Variants in TBCK observed in about 807,000 individuals in gnomAD.
TBCK encodes the protein TBC domain-containing protein kinase-like protein.
Under a neutral mutation model 113.4 loss-of-function variants are expected in TBCK, and 99 were observed. The ratio of observed to expected loss-of-function variants is 0.87; its 90% confidence interval spans 0.74 to 1.03. The LOEUF (loss-of-function observed/expected upper bound fraction) is 1.03. Among genes scored for constraint, TBCK ranks in the 50% least tolerant of loss-of-function variants. The probability of loss-of-function intolerance (pLI) is 0.00; values close to 1 mark genes in which losing one functional copy is unlikely to be tolerated. For missense variants in TBCK, 1,045 were observed against 1,061.3 expected, an observed-to-expected ratio of 0.98 and a Z score of 0.21; for synonymous variants, 369 against 370.8, an observed-to-expected ratio of 1.00 and a Z score of 0.05.
intron 20 of TBCK, among the ~76,000 whole-genome samples, chr4:106,197,038 A>G (rs943954439): frequency 2.6e-5 from 4 of 152,138 alleles, no homozygotes; most frequent in Admixed American, 2.6e-4. Flanking sequence ...CAAATATATA[A>G]AACAACAATT....
chr4:106,098,143 C>T (rs1741148491), intron 24 of TBCK, among the ~76,000 whole-genome samples: 1 of 152,050 alleles, frequency 6.6e-6, no homozygotes, highest in African/African-American at 2.4e-5. Context: ...TGTCACTTTA[C>T]TGCTTTCTGT....
chr4:106,047,681 A>G (rs1351237113), intron 25 of TBCK, among the ~76,000 whole-genome samples: 1 of 151,986 alleles, frequency 6.6e-6, no homozygotes, highest in Non-Finnish European at 1.5e-5. Context: ...GCTTCCTTCT[A>G]TTTTGTTTTC....
chr4:106,093,839 A>C (rs758713003), intron 25 of TBCK, among the ~76,000 whole-genome samples: 10 of 152,156 alleles, frequency 6.6e-5, no homozygotes, highest in Non-Finnish European at 1.5e-4. Context: ...AAAGTTAATA[A>C]AAATTTATTA....
At chr4:106,150,873 A>G (rs1276069959) in intron 23 of TBCK, among the ~76,000 whole-genome samples, 2 of 152,080 alleles carry the variant, frequency 1.3e-5, no homozygotes, top group Admixed American at 1.3e-4. Flanking sequence ...TAGTAACTAC[A>G]TCAAATAAAT....
intron 12 of TBCK, among the ~76,000 whole-genome samples, chr4:106,239,150 C>G (rs1013022219): frequency 6.6e-6 from 1 of 151,990 alleles, no homozygotes; most frequent in East Asian, 1.9e-4. Flanking sequence ...GAAATCTAAC[C>G]AACTTGGGAA....
At chr4:106,164,448 T>C (rs1034490093) in intron 23 of TBCK, 15 of 151,948 alleles carry the variant, frequency 9.9e-5, no homozygotes, top group Non-Finnish European at 1.9e-4. Flanking sequence ...CATGAGTATA[T>C]GTTAATGTAT....
intron 14 of TBCK, 50 bp from the exon 15 acceptor site, chr4:106,235,417 C>G: frequency 7.7e-7 from 1 of 1,301,506 alleles, no homozygotes. Context: ...CTAGTGCCAT[C>G]TTTTAGTCTA....
At chr4:106,279,222 G>A (rs1313138539) in intron 3 of TBCK, among the ~76,000 whole-genome samples, 1 of 152,174 alleles carries the variant, frequency 6.6e-6, no homozygotes, top group Non-Finnish European at 1.5e-5. Flanking sequence ...TGAAGGAACT[G>A]ATTGAATACA....
chr4:106,120,104 T>G (rs1744083332), intron 23 of TBCK, among the ~76,000 whole-genome samples: 1 of 151,980 alleles, frequency 6.6e-6, no homozygotes, highest in East Asian at 1.9e-4. Flanking sequence ...GGTAAATGGG[T>G]GCGCGCACCG....
chr4:106,223,644 C>T (rs1757940695), intron 19 of TBCK, among the ~76,000 whole-genome samples: 1 of 152,010 alleles, frequency 6.6e-6, no homozygotes, highest in African/African-American at 2.4e-5. Flanking sequence ...TCCTAATTTC[C>T]CAGATTTATA....
chr4:106,290,175 T>TTTTA (rs920920364), intron 3 of TBCK, among the ~76,000 whole-genome samples: 5 of 152,142 alleles, frequency 3.3e-5, no homozygotes, highest in East Asian at 3.9e-4. Flanking sequence ...TAATATATTA[T>TTTTA]TTTATTTATT....
rs546843469 is a variant in TBCK at position 106,212,955 on chromosome 4, C to T, written c.1775-120G>A. ...TTAATTTCTCCATGAGAATACTTTA[C>T]GTGATAATTTTGTTTTGTTACTATT... is the stretch of plus-strand genomic sequence containing the variant. On this transcript the variant is annotated intron_variant, in intron 19 of 25. Transcript: ENST00000394708. 133 of 647,306 alleles carry T rather than the reference C, an allele frequency of 2.1e-4. 1 individual carries two copies. In the South Asian group the frequency reaches 2.4e-3, roughly 12 times the overall value. The allele number at this position is 647,306 out of a possible 1,614,324, so 40.1% of individuals were successfully genotyped here. A position where few individuals can be genotyped will look rare whatever the true frequency, so the allele number is the denominator to read the frequency against.
chr4:106,211,748 A>G (rs1303052574), intron 20 of TBCK, among the ~76,000 whole-genome samples: 2 of 152,126 alleles, frequency 1.3e-5, no homozygotes, highest in Admixed American at 6.6e-5. Flanking sequence ...CTCGGTACCC[A>G]TAACTCCTGT....
intron 25 of TBCK, among the ~76,000 whole-genome samples, chr4:106,077,158 G>A (rs74725815): frequency 0.061 from 9,228 of 152,126 alleles, 333 homozygotes; most frequent in Non-Finnish European, 0.08. Context: ...TTTTACAAGA[G>A]CTCCTAAAGG....
chr4:106,070,513 CT>C (rs1433350173), intron 25 of TBCK, among the ~76,000 whole-genome samples: 1 of 152,092 alleles, frequency 6.6e-6, no homozygotes, highest in African/African-American at 2.4e-5. Context: ...GGTGGATAAG[CT>C]TTTTGATATG....
At chr4:106,085,102 C>T (rs930603851) in intron 25 of TBCK, among the ~76,000 whole-genome samples, 3 of 152,042 alleles carry the variant, frequency 2.0e-5, no homozygotes, top group African/African-American at 7.2e-5. Flanking sequence ...AACAATACTA[C>T]CCTTAAATGT....
chr4:106,135,431 T>G (rs1203030541), intron 23 of TBCK, among the ~76,000 whole-genome samples: 3 of 143,594 alleles, frequency 2.1e-5, no homozygotes, highest in Non-Finnish European at 3.2e-5. Flanking sequence ...CTCTGGAGAA[T>G]GTACACTTAA....
At position 106,065,618 on chromosome 4, in the gene TBCK, A is replaced by G. The variant is rs530563832; in HGVS notation, c.2572-18938T>C. Among the ~76,000 whole-genome samples the G allele has an allele frequency of 5.9e-4, 90 of 152,152 alleles. 3 individuals carry two copies. Among genetic ancestry groups the G allele is most frequent in the Admixed American group, 1.7e-3 (26 of 15,252 alleles). ...ACAAAAACGGGTCTACCCTGTGAAC[A>G]GTACCATACATTTCAGAGATCTAGG... On this transcript the variant is annotated intron_variant, in intron 25 of 25. Coordinates refer to ENST00000394708, the MANE Select transcript of TBCK (RefSeq NM_001163435.3).
intron 19 of TBCK, among the ~76,000 whole-genome samples, chr4:106,229,148 C>T (rs1758568188): frequency 6.6e-6 from 1 of 151,980 alleles, no homozygotes; most frequent in Admixed American, 6.6e-5. Context: ...GGCTGTTAAT[C>T]TCTTATCAGG....
Sources: allele counts gnomAD v4.1 joint callset (sites outside exome capture counted in the v4.1 genomes callset), GRCh38; gene constraint gnomAD v4.1.1; transcripts MANE v1.5; gene names NCBI Gene and HGNC (gene_info 2026-07-23, HGNC 2026-07-21).